Variants in ANKRD36C observed in about 807,000 individuals in gnomAD.
ANKRD36C encodes ankyrin repeat domain 36C.
ANKRD36C carries 61 observed loss-of-function variants against 276.4 expected under a neutral mutation model. The observed-to-expected ratio is 0.22, with a 90% CI of 0.18 to 0.27. ANKRD36C has a LOEUF of 0.27. ANKRD36C is among the 10% of genes least tolerant of loss of function. The probability of loss-of-function intolerance (pLI) is 1.00; values close to 1 mark genes in which losing one functional copy is unlikely to be tolerated. For synonymous variants in ANKRD36C, 483 were observed against 680.1 expected (o/e 0.71, Z 4.51); for missense variants, 1,447 against 2,032.3 (o/e 0.71, Z 5.54).
chr2:95,858,014 A>G (rs1246984854), intron 61 of ANKRD36C, among the ~76,000 whole-genome samples: 1 of 152,060 alleles, frequency 6.6e-6, no homozygotes, highest in Non-Finnish European at 1.5e-5. Flanking sequence ...CCAATTGTCA[A>G]CCAGAAAATG....
chr2:95,969,871 T>C (rs561956327), intron 6 of ANKRD36C, among the ~76,000 whole-genome samples: 7 of 152,134 alleles, frequency 4.6e-5, no homozygotes, highest in Admixed American at 2.0e-4. Context: ...TAGATATTAT[T>C]AATCTCTTAT....
chr2:95,975,979 A>C (rs1678801384), intron 6 of ANKRD36C, among the ~76,000 whole-genome samples: 1 of 152,228 alleles, frequency 6.6e-6, no homozygotes, highest in Non-Finnish European at 1.5e-5. Context: ...ATATGAACAG[A>C]CACTTCTCAA....
intron 19 of ANKRD36C, among the ~76,000 whole-genome samples, chr2:95,943,312 T>C (rs1178739928): frequency 1.3e-5 from 2 of 152,164 alleles, no homozygotes; most frequent in Admixed American, 1.3e-4. Flanking sequence ...TGAAACCCCG[T>C]CTCTACTAAA....
intron 38 of ANKRD36C, among the ~76,000 whole-genome samples, 161 bp from the exon 41 acceptor site, chr2:95,914,464 C>T (rs561520695): frequency 2.6e-5 from 4 of 151,508 alleles, no homozygotes; most frequent in South Asian, 4.1e-4. Context: ...GATAGAAATA[C>T]GCTGAGAAAC....
Position 95,889,178 on chromosome 2 carries a change from C to T in ANKRD36C, c.2959+621G>A, listed in dbSNP as rs567767251. On this transcript the variant is annotated intron_variant, in intron 48 of 66. Transcript: ENST00000456556. ...TCACTGTGGTTTATCCCAATTCTAG[C>T]ATAGTTTCCTGCTTCCAGTAGTTCC... Among the ~76,000 whole-genome samples, 3 of 151,650 alleles carry T rather than the reference C, an allele frequency of 2.0e-5. No individual in the cohort carries two copies. The East Asian group carries it at 5.8e-4, about 30-fold the overall frequency.
At chr2:95,893,506 T>G (rs1408186332) in intron 44 of ANKRD36C, 27 bp downstream of exon 64, 2 of 1,537,822 alleles carry the variant, frequency 1.3e-6, no homozygotes, top group African/African-American at 2.8e-5. Context: ...GGACTGAACA[T>G]GACATTAAAT....
exon 48 of ANKRD36C, chr2:95,889,820 C>T (rs774762527): frequency 6.3e-7 from 1 of 1,595,678 alleles, no homozygotes; most frequent in African/African-American, 1.3e-5. Context: ...ATTTGTTCAT[C>T]CTTTGTTTCT....
chr2:95,906,192 A>T (rs1334714282), intron 42 of ANKRD36C, among the ~76,000 whole-genome samples: 1 of 19,258 alleles, frequency 5.2e-5, no homozygotes, highest in African/African-American at 1.8e-4. Flanking sequence ...CATTCGGAAA[A>T]TAATTGCTAC....
intron 36 of ANKRD36C, 44 bp downstream of exon 38, chr2:95,917,811 C>T (rs938203797): frequency 9.6e-6 from 15 of 1,559,396 alleles, no homozygotes; most frequent in African/African-American, 9.6e-5. Context: ...AAGTTCTTTT[C>T]TATCTGGATT....
chr2:95,974,615 A>G (rs1244975236), intron 6 of ANKRD36C, among the ~76,000 whole-genome samples: 1 of 152,182 alleles, frequency 6.6e-6, no homozygotes, highest in African/African-American at 2.4e-5. Flanking sequence ...GATGTTATAT[A>G]AAAGACGTCA....
Position 95,878,080 on chromosome 2 carries a change from G to A in ANKRD36C, c.3470-1571C>T, listed in dbSNP as rs1226745565. Among the ~76,000 whole-genome samples the A allele has an allele frequency of 2.6e-4, 38 of 147,894 alleles. 2 individuals carry two copies. Among genetic ancestry groups the A allele is most frequent in the Non-Finnish European group, 3.0e-5 (2 of 66,948 alleles). ...GTGCCTGTAATCTCAGCTACTCAGG[G>A]GGCTGAGGCAGGAGAATCGCTTTAA... On this transcript the variant is annotated intron_variant, in intron 58 of 66. Transcript: ENST00000456556.
Position 95,920,517 on chromosome 2 carries a change from A to T in ANKRD36C, c.2245+1090T>A, listed in dbSNP as rs1269718143. 1.5e-5 allele frequency among the ~76,000 whole-genome samples: 2 copies of T among 132,146 alleles called. 1 individual carries two copies. Among genetic ancestry groups the T allele is most frequent in the African/African-American group, 5.3e-5 (2 of 37,886 alleles). 86.7% of individuals were successfully genotyped at this position (132,146 alleles called of 152,430 possible). ...ATCTCTCACACCCATGTGGTGTAATAATTTGCCTAAGTTTCTTGTATCCAC... is the reference window on the plus strand; with the variant it reads ...ATCTCTCACACCCATGTGGTGTAATTATTTGCCTAAGTTTCTTGTATCCAC... On this transcript the variant is annotated intron_variant, in intron 34 of 66. Coordinates refer to ENST00000456556, the Ensembl canonical transcript of ANKRD36C.
chr2:95,923,387 T>A, intron 32 of ANKRD36C, 108 bp downstream of exon 32: 1 of 1,408,388 alleles, frequency 7.1e-7, no homozygotes, highest in Non-Finnish European at 9.7e-7. Context: ...TCCGGCCTGC[T>A]GAATCAGAAT....
intron 38 of ANKRD36C, among the ~76,000 whole-genome samples, chr2:95,914,710 T>C (rs571803723): frequency 4.6e-5 from 7 of 151,604 alleles, no homozygotes; most frequent in South Asian, 2.1e-4. Context: ...TACACCATTA[T>C]ACTACAAACA....
At chr2:95,863,435 A>G (rs933911465) in intron 60 of ANKRD36C, among the ~76,000 whole-genome samples, 24 of 152,172 alleles carry the variant, frequency 1.6e-4, no homozygotes, top group Non-Finnish European at 3.5e-4. Flanking sequence ...ACAATTATAC[A>G]TAAACTCTCC....
At position 95,927,374 on chromosome 2, in the gene ANKRD36C, T is replaced by C. The variant is rs746738891; in HGVS notation, c.1866+7A>G. The C allele has an allele frequency of 1.9e-6, 3 of 1,606,272 alleles. No homozygotes were observed. In the South Asian group the frequency reaches 3.3e-5, roughly 18 times the overall value. On this transcript the variant is annotated splice_region_variant and intron_variant, in intron 27 of 66. Coordinates refer to ENST00000456556, the Ensembl canonical transcript of ANKRD36C. The stretch of plus-strand genomic sequence containing the variant: ...ATAGTTCAACATATAAATGAGTCTT[T>C]AATTACCTTCTCAGCTGGTTGTTTC...
intron 6 of ANKRD36C, among the ~76,000 whole-genome samples, chr2:95,977,686 A>C (rs560267579): frequency 6.6e-6 from 1 of 152,240 alleles, no homozygotes; most frequent in East Asian, 1.9e-4. Context: ...TTTCAACAGC[A>C]TGGGGATTGG....
At chr2:95,919,340 C>T (rs1262447757) in intron 34 of ANKRD36C, among the ~76,000 whole-genome samples, 1 of 133,246 alleles carries the variant, frequency 7.5e-6, no homozygotes, top group Non-Finnish European at 1.7e-5. Flanking sequence ...TTATTAATAT[C>T]AGTTTTCTGT....
chr2:95,923,197 A>T (rs1421257418), intron 32 of ANKRD36C, among the ~76,000 whole-genome samples: 1 of 151,590 alleles, frequency 6.6e-6, no homozygotes, highest in Non-Finnish European at 1.5e-5. Context: ...CCTTGGTGAA[A>T]ACATGCTGTA....
Sources: allele counts gnomAD v4.1 joint callset (sites outside exome capture counted in the v4.1 genomes callset), GRCh38; gene constraint gnomAD v4.1.1; transcripts MANE v1.5; gene names NCBI Gene and HGNC (gene_info 2026-07-23, HGNC 2026-07-21).